Variants in SCUBE1 observed in about 807,000 individuals in gnomAD.
The protein encoded by SCUBE1 is signal peptide, CUB and EGF-like domain-containing protein 1.
In SCUBE1, 59 loss-of-function variants were observed where a neutral mutation model predicts 124.4. That is an observed-to-expected ratio of 0.47 (90% CI 0.38 to 0.59). SCUBE1 has a LOEUF of 0.59. Among genes scored for constraint, SCUBE1 ranks in the 20% least tolerant of loss-of-function variants. The pLI, the probability that SCUBE1 is intolerant of heterozygous loss-of-function variation, is 0.00. For missense variants in SCUBE1, 1,150 were observed against 1,371.2 expected (o/e 0.84, Z 2.55); for synonymous variants, 545 against 550.9 (o/e 0.99, Z 0.15).
At chr22:43,262,012 T>C (rs1333581580) in intron 5 of SCUBE1, among the ~76,000 whole-genome samples, 2 of 152,094 alleles carry the variant, frequency 1.3e-5, no homozygotes, top group Non-Finnish European at 2.9e-5. Flanking sequence ...GGTGACCCCA[T>C]TAAGAGGCTG....
chr22:43,207,900 C>A lies in SCUBE1; in HGVS notation c.2734+172G>T, dbSNP rs149107594. On this transcript the variant is annotated intron_variant, in intron 20 of 21. Coordinates refer to ENST00000360835, the MANE Select transcript of SCUBE1 (RefSeq NM_173050.5). ...TAACCGCTGTCTTGCCTGTACCACCCGGTACCACCCTCAGCCTGTCTGGCT... is the reference window on the plus strand; with the variant it reads ...TAACCGCTGTCTTGCCTGTACCACCAGGTACCACCCTCAGCCTGTCTGGCT... 4.0e-3 allele frequency among the ~76,000 whole-genome samples: 603 copies of A among 152,344 alleles called. 5 individuals carry two copies. The highest frequency in any genetic ancestry group is 0.014 in the African/African-American group (574 of 41,566).
intron 6 of SCUBE1, among the ~76,000 whole-genome samples, chr22:43,252,901 C>A (rs1055762887): frequency 7.0e-6 from 1 of 142,922 alleles, no homozygotes; most frequent in Non-Finnish European, 1.5e-5. Flanking sequence ...ACTCTCCATA[C>A]CTTGCCTCTA....
intron 6 of SCUBE1, 29 bp from the exon 7 acceptor site, chr22:43,238,983 G>T: frequency 6.4e-7 from 1 of 1,570,322 alleles, no homozygotes; most frequent in Non-Finnish European, 8.8e-7. Flanking sequence ...AGAGACCTCA[G>T]TTTCCTTGGA....
intron 4 of SCUBE1, among the ~76,000 whole-genome samples, chr22:43,268,016 A>G (rs1001987299): frequency 6.6e-6 from 1 of 151,642 alleles, no homozygotes; most frequent in Non-Finnish European, 1.5e-5. Flanking sequence ...CTGTGACTCT[A>G]CCCCCTCTGC....
chr22:43,257,092 C>T (rs574780701), intron 6 of SCUBE1, among the ~76,000 whole-genome samples: 1 of 152,344 alleles, frequency 6.6e-6, no homozygotes, highest in East Asian at 1.9e-4. Context: ...GGGAGAGCCA[C>T]CGCAGGCAGC....
At position 43,214,172 on chromosome 22, in the gene SCUBE1, C is replaced by T. The variant is rs267606266; in HGVS notation, c.1971G>A (p.Met657Ile). ...VSCMPGTYQD[M>I]EGQLSCTPCP... The stretch of plus-strand genomic sequence containing the variant: ...ACGGTGTGCAACTGAGCTGGCCTTC[C>T]ATGTCCTGGTATGTTCCTGGCATAC... Residue 657 changes from methionine (M) to isoleucine (I), a missense_variant, in exon 16 of 22, where the codon ATG (methionine) becomes ATA (isoleucine). Physicochemically the swap from Met to Ile is conservative, Grantham distance 10. Transcript: ENST00000360835. 6.2e-7 allele frequency: 1 copy of T among 1,613,160 alleles called. No individual in the cohort carries two copies. Among genetic ancestry groups the T allele is most frequent in the Non-Finnish European group, 8.5e-7 (1 of 1,179,978 alleles).
chr22:43,319,558 C>CAA (rs35230785), intron 3 of SCUBE1, among the ~76,000 whole-genome samples: 13,985 of 54,954 alleles, frequency 0.25, 2,588 homozygotes, highest in East Asian at 0.53. Flanking sequence ...GACTCCATCT[C>CAA]AAAAAAAAAA....
At chr22:43,222,402 C>T (rs1374818267) in intron 12 of SCUBE1, among the ~76,000 whole-genome samples, 3 of 152,244 alleles carry the variant, frequency 2.0e-5, no homozygotes, top group Non-Finnish European at 4.4e-5. Flanking sequence ...TGGCTGTGAC[C>T]TCAGAGCCGG....
In SCUBE1 at chr22:43,231,832, G is replaced by A. The variant is rs201489295; in HGVS notation, c.888C>T (p.Phe296=). 8.4e-5 allele frequency: 135 copies of A among 1,613,544 alleles called. 1 individual carries two copies. The Admixed American group carries it at 8.7e-4, about 10-fold the overall frequency. ...CLVNNGGCDH[F]CRNTVGSFEC... is the part of the protein sequence containing the mutation. ...CGAAGCTGCCCACGGTGTTGCGGCAGAAGTGGTCGCAGCCTCCGTTGTTGA... is the reference window on the plus strand; with the variant it reads ...CGAAGCTGCCCACGGTGTTGCGGCAAAAGTGGTCGCAGCCTCCGTTGTTGA... The change falls in exon 8 of 22, where the codon TTC becomes TTT. Residue 296 remains phenylalanine (F), a synonymous_variant. Coordinates refer to ENST00000360835, the MANE Select transcript of SCUBE1 (RefSeq NM_173050.5).
At chr22:43,249,079 T>A (rs902284099) in intron 6 of SCUBE1, among the ~76,000 whole-genome samples, 1 of 151,886 alleles carries the variant, frequency 6.6e-6, no homozygotes, top group Non-Finnish European at 1.5e-5. Context: ...AAAGGCAGCC[T>A]TTGTCAGGTA....
chr22:43,260,917 C>A (rs1393815836), intron 5 of SCUBE1, among the ~76,000 whole-genome samples: 1 of 152,240 alleles, frequency 6.6e-6, no homozygotes, highest in Non-Finnish European at 1.5e-5. Context: ...GAGCAAACTC[C>A]TCCTTGTAGT....
intron 4 of SCUBE1, among the ~76,000 whole-genome samples, chr22:43,273,594 G>A (rs71329187): frequency 2.2e-5 from 1 of 45,570 alleles, no homozygotes; most frequent in Non-Finnish European, 5.8e-5. Flanking sequence ...TTGAGACAGA[G>A]TCTCACTCTG....
At chr22:43,239,298 G>C (rs913547468) in intron 6 of SCUBE1, among the ~76,000 whole-genome samples, 1 of 152,350 alleles carries the variant, frequency 6.6e-6, no homozygotes, top group South Asian at 2.1e-4. Context: ...TTAACTGCCC[G>C]AGGCTGGATT....
At chr22:43,331,407 T>C (rs2146796521) in intron 2 of SCUBE1, among the ~76,000 whole-genome samples, 1 of 152,260 alleles carries the variant, frequency 6.6e-6, no homozygotes, top group East Asian at 1.9e-4. Flanking sequence ...AATTATAGCA[T>C]TTTGGAAAAG....
At chr22:43,217,839 C>T (rs940084101) in intron 15 of SCUBE1, among the ~76,000 whole-genome samples, 3 of 152,284 alleles carry the variant, frequency 2.0e-5, no homozygotes, top group Admixed American at 6.5e-5. Context: ...CTAGGCCTCA[C>T]GACATCCCTG....
At chr22:43,332,200 A>G (rs558954986) in intron 2 of SCUBE1, among the ~76,000 whole-genome samples, 1 of 152,232 alleles carries the variant, frequency 6.6e-6, no homozygotes, top group East Asian at 1.9e-4. Flanking sequence ...AGGTATGAGA[A>G]TCCCTTGAAA....
intron 4 of SCUBE1, among the ~76,000 whole-genome samples, chr22:43,290,007 C>T (rs926264900): frequency 6.6e-6 from 1 of 152,318 alleles, no homozygotes; most frequent in East Asian, 1.9e-4. Context: ...TGGGGGCGTG[C>T]CTGAACTGGG....
intron 4 of SCUBE1, among the ~76,000 whole-genome samples, chr22:43,283,990 G>A (rs1403300362): frequency 6.6e-6 from 1 of 152,180 alleles, no homozygotes; most frequent in Non-Finnish European, 1.5e-5. Flanking sequence ...GAAATGAGTG[G>A]CAATGGCTCC....
In SCUBE1 at chr22:43,200,024, G is replaced by C. The variant is rs952067666; in HGVS notation, c.*3973C>G. On this transcript the variant is annotated 3_prime_UTR_variant, in exon 22 of 22. Coordinates refer to ENST00000360835, the MANE Select transcript of SCUBE1 (RefSeq NM_173050.5). ...TAAACTTGGGGGGAATGCCAGGAAT[G>C]TGGGGCAGAAAGGTCCCCCCACGCC... The C allele has an allele frequency of 1.2e-4, 18 of 152,386 alleles. No homozygotes were observed. Among genetic ancestry groups the C allele is most frequent in the Admixed American group, 1.2e-3 (18 of 15,312 alleles). 9.4% of individuals were successfully genotyped at this position (152,386 alleles called of 1,614,324 possible). A position where few individuals can be genotyped will look rare whatever the true frequency, so the allele number is the denominator to read the frequency against.
Sources: gnomAD v4.1 joint callset for allele counts (sites outside exome capture counted in the v4.1 genomes callset) on GRCh38, gnomAD v4.1.1 for gene constraint, MANE v1.5 for transcripts, NCBI Gene and HGNC (gene_info 2026-07-23, HGNC 2026-07-21) for gene names.